The following PRR27 variants were observed in gnomAD, a reference collection of about 807,000 sequenced individuals.
PRR27 encodes the protein proline rich 27, also known as proline-rich protein 27.
A neutral mutation model predicts 16.8 loss-of-function variants in PRR27; 12 were observed. The ratio of observed to expected loss-of-function variants is 0.71; its 90% CI spans 0.46 to 1.16. PRR27 has a LOEUF of 1.16. Ranked by LOEUF, PRR27 falls within the 50% of genes most tolerant of loss-of-function variation. PRR27 has a pLI of 0.00. For synonymous variants in PRR27, 100 were observed against 98.4 expected, an observed-to-expected ratio of 1.02 and a Z score of -0.10; for missense variants, 277 against 273.3, an observed-to-expected ratio of 1.01 and a Z score of -0.10.
intron 3 of PRR27, among the ~76,000 whole-genome samples, chr4:70,161,179 T>TATATATATATATACAC (rs527588905): frequency 9.3e-6 from 1 of 107,702 alleles, no homozygotes; most frequent in Non-Finnish European, 1.9e-5. Context: ...TATATATATA[T>TATATATATATATACAC]ACACACATAC....
intron 2 of PRR27, among the ~76,000 whole-genome samples, chr4:70,156,428 G>A (rs1278528938): frequency 6.6e-6 from 1 of 152,140 alleles, no homozygotes; most frequent in African/African-American, 2.4e-5. Flanking sequence ...TGAATCTGGA[G>A]ATGCTCTGTC....
In PRR27 at chr4:70,156,084, C is replaced by CA; in HGVS notation, c.75+7_75+8insA. The CA allele has an allele frequency of 7.2e-7, 1 of 1,394,094 alleles. No individual in the cohort carries two copies. Among genetic ancestry groups the CA allele is most frequent in the Non-Finnish European group, 9.6e-7 (1 of 1,039,826 alleles). 86.4% of individuals were successfully genotyped at this position (1,394,094 alleles called of 1,614,324 possible). On this transcript the variant is annotated splice_region_variant and intron_variant, in intron 2 of 4. Transcript: ENST00000344526. ...GTTCCCCTTCATTGGTGAGGTAAAA[C>CA]TTTTTTTTCTTTACACGCAAGTATA...
At chr4:70,155,357 T>C (rs1252615932) in intron 1 of PRR27, among the ~76,000 whole-genome samples, 3 of 151,130 alleles carry the variant, frequency 2.0e-5, no homozygotes, top group Admixed American at 2.0e-4. Flanking sequence ...CTTTTTTTTG[T>C]TGTATGTTTG....
chr4:70,160,278 G>A (rs1728610392), intron 3 of PRR27, among the ~76,000 whole-genome samples: 1 of 152,072 alleles, frequency 6.6e-6, no homozygotes, highest in African/African-American at 2.4e-5. Flanking sequence ...TTATAAGTGA[G>A]AACACAGATA....
Position 70,158,466 on chromosome 4 carries a change from T to C in PRR27, c.214T>C (p.Leu72=), listed in dbSNP as rs772951766. Residue 72 remains leucine (L), a synonymous_variant, in exon 3 of 5, where the codon TTA becomes CTA. Transcript: ENST00000344526. ...TGGGAATACTTACACTGACACAGGGTTACCTTCGTATCCCTGGATTCTAAC... is the reference window on the plus strand; with the variant it reads ...TGGGAATACTTACACTGACACAGGGCTACCTTCGTATCCCTGGATTCTAAC... The part of the protein sequence containing the change: ...YPGNTYTDTG[L]PSYPWILTSP... 2.0e-5 allele frequency: 33 copies of C among 1,613,892 alleles called. No individual in the cohort carries two copies. The highest frequency in any genetic ancestry group is 2.6e-5 in the Non-Finnish European group (31 of 1,179,918).
chr4:70,156,274 G>A (rs1728473849), intron 2 of PRR27, among the ~76,000 whole-genome samples, 197 bp downstream of exon 2: 1 of 152,140 alleles, frequency 6.6e-6, no homozygotes, highest in South Asian at 2.1e-4. Context: ...TTTAGCAAAA[G>A]GTCTTTAGTC....
intron 3 of PRR27, among the ~76,000 whole-genome samples, chr4:70,159,395 A>G (rs917570882): frequency 2.6e-5 from 4 of 152,152 alleles, no homozygotes; most frequent in Non-Finnish European, 5.9e-5. Flanking sequence ...TCATCTGTTG[A>G]ACAGATTTTA....
rs1311176609 is a variant in PRR27 at position 70,163,297 on chromosome 4, A to T, written c.*636A>T. The T allele has an allele frequency of 6.6e-6, 1 of 150,724 alleles. No individual in the cohort carries two copies. Among genetic ancestry groups the T allele is most frequent in the Non-Finnish European group, 1.5e-5 (1 of 67,940 alleles). The allele number at this position is 150,724 out of a possible 1,614,324, so 9.3% of individuals were successfully genotyped here. A position where few individuals can be genotyped will look rare whatever the true frequency, so the allele number is the denominator to read the frequency against. ...TCTAGCTATTGTCATCCCTAACAGA[A>T]ATGGAGGAATAGCCTCTTTTTTTTT... On this transcript the variant is annotated 3_prime_UTR_variant, in exon 5 of 5. Coordinates refer to ENST00000344526, the MANE Select transcript of PRR27 (RefSeq NM_214711.4).
At chr4:70,160,243 T>C (rs1269782573) in intron 3 of PRR27, among the ~76,000 whole-genome samples, 2 of 152,088 alleles carry the variant, frequency 1.3e-5, no homozygotes, top group Non-Finnish European at 2.9e-5. Flanking sequence ...TTTATGTACA[T>C]GTGTGCTCAA....
At chr4:70,160,443 C>CTGTGTG (rs71210150) in intron 3 of PRR27, among the ~76,000 whole-genome samples, 26 of 68,702 alleles carry the variant, frequency 3.8e-4, no homozygotes, top group Middle Eastern at 0.014. Flanking sequence ...CTCTCTCTCT[C>CTGTGTG]TGTGTGTGTG....
In PRR27 at chr4:70,158,559, C is replaced by T. The variant is rs1245747471; in HGVS notation, c.307C>T (p.Pro103Ser). Residue 103 changes from proline to serine, a missense_variant, in exon 3 of 5, where the codon CCT becomes TCT. Pro to Ser is a moderately conservative substitution (Grantham distance 74). Transcript: ENST00000344526. ...CTTAGCTACTCAGTTGAATGTTCCT[C>T]CTCTCCCTCCTAGGGGTTTCCCGTT... ...FPLATQLNVPPLPPRGFPFVP... is the reference protein window; with the variant it reads ...FPLATQLNVPSLPPRGFPFVP... 7 of 1,614,104 alleles carry T rather than the reference C, an allele frequency of 4.3e-6. No homozygotes were observed. The highest frequency in any genetic ancestry group is 5.9e-6 in the Non-Finnish European group (7 of 1,179,994).
At chr4:70,154,861 T>A in intron 1 of PRR27, 3 of 872,170 alleles carry the variant, frequency 3.4e-6, no homozygotes, top group Non-Finnish European at 4.9e-6. Flanking sequence ...TTTAGTGGAC[T>A]GTAACGTAAT....
intron 3 of PRR27, 89 bp downstream of exon 3, chr4:70,158,989 T>A (rs535904665): frequency 8.5e-7 from 1 of 1,178,266 alleles, no homozygotes; most frequent in Non-Finnish European, 1.2e-6. Flanking sequence ...AGCAAATCTA[T>A]ATCAACTTAA....
chr4:70,158,487 C>G lies in PRR27; in HGVS notation c.235C>G (p.Leu79Val), dbSNP rs753884114. 8.7e-6 allele frequency: 14 copies of G among 1,614,164 alleles called. No individual in the cohort carries two copies. The highest frequency in any genetic ancestry group is 1.1e-5 in the Non-Finnish European group (13 of 1,180,030). Residue 79 changes from leucine (L) to valine (V), a missense_variant, in exon 3 of 5, where the codon CTA (leucine) becomes GTA (valine). By Grantham distance (32) the Leu-to-Val change is conservative. Coordinates refer to ENST00000344526, the MANE Select transcript of PRR27 (RefSeq NM_214711.4). The stretch of plus-strand genomic sequence containing the variant: ...AGGGTTACCTTCGTATCCCTGGATT[C>G]TAACTTCTCCTGGATTCCCCTATGT... ...DTGLPSYPWI[L>V]TSPGFPYVYH... is the part of the protein sequence containing the mutation.
chr4:70,162,204 TC>T (rs1728665432), intron 4 of PRR27, among the ~76,000 whole-genome samples: 1 of 152,180 alleles, frequency 6.6e-6, no homozygotes, highest in Admixed American at 6.5e-5. Flanking sequence ...CTTCATCCCT[TC>T]TCAAAGATGT....
Position 70,163,493 on chromosome 4 carries a change from T to C in PRR27, c.*832T>C, listed in dbSNP as rs1728692112. ...CACGCCTGGCTAATTTTTTGTAATT[T>C]AGTACAGACAGGGGTTCCCTATGTT... is the stretch of plus-strand genomic sequence containing the variant. On this transcript the variant is annotated 3_prime_UTR_variant, in exon 5 of 5. Coordinates refer to ENST00000344526, the MANE Select transcript of PRR27 (RefSeq NM_214711.4). 1 of 152,272 alleles carries C rather than the reference T, an allele frequency of 6.6e-6. No homozygotes were observed. Among genetic ancestry groups the C allele is most frequent in the African/African-American group, 2.4e-5 (1 of 41,388 alleles). 9.4% of individuals were successfully genotyped at this position (152,272 alleles called of 1,614,324 possible). A position where few individuals can be genotyped will look rare whatever the true frequency, so the allele number is the denominator to read the frequency against.
rs1728734431 is a variant in PRR27 at position 70,164,989 on chromosome 4, T to C, written c.*2328T>C. 6.6e-6 allele frequency: 1 copy of C among 152,178 alleles called. No homozygotes were observed. The highest frequency in any genetic ancestry group is 1.5e-5 in the Non-Finnish European group (1 of 67,980). The allele number at this position is 152,178 out of a possible 1,614,324, so 9.4% of individuals were successfully genotyped here. On this transcript the variant is annotated 3_prime_UTR_variant, in exon 5 of 5. Transcript: ENST00000344526. ...CAAGATACTGTGAAATGTTCTGCTC[T>C]GTCAGTTGTGAAAGTATGAAATTTA...
At chr4:70,162,303 T>C (rs1387006055) in intron 4 of PRR27, among the ~76,000 whole-genome samples, 1 of 152,222 alleles carries the variant, frequency 6.6e-6, no homozygotes, top group East Asian at 1.9e-4. Flanking sequence ...CATCACTAGC[T>C]AAAGTAGAAT....
At chr4:70,160,720 T>C (rs916544049) in intron 3 of PRR27, among the ~76,000 whole-genome samples, 3 of 128,324 alleles carry the variant, frequency 2.3e-5, no homozygotes, top group African/African-American at 8.4e-5. Flanking sequence ...TTTACTAAAC[T>C]TTTAGAAAAA....
Sources: gnomAD v4.1 joint callset for allele counts (sites outside exome capture counted in the v4.1 genomes callset) on GRCh38, gnomAD v4.1.1 for gene constraint, MANE v1.5 for transcripts, NCBI Gene and HGNC (gene_info 2026-07-23, HGNC 2026-07-21) for gene names.